The following DAGLA variants were observed in gnomAD, a reference collection of about 807,000 sequenced individuals.
DAGLA encodes the protein diacylglycerol lipase-alpha.
In DAGLA, 22 loss-of-function variants were observed where a neutral mutation model predicts 102.6. The observed-to-expected ratio is 0.21, with a 90% CI of 0.15 to 0.31. DAGLA has a LOEUF of 0.31. Among genes scored for constraint, DAGLA ranks in the 10% least tolerant of loss-of-function variants. DAGLA has a pLI of 1.00. For missense variants in DAGLA, 927 were observed against 1,446.6 expected, an observed-to-expected ratio of 0.64 and a Z score of 5.83; for synonymous variants, 578 against 628.9, an observed-to-expected ratio of 0.92 and a Z score of 1.21.
chr11:61,694,944 C>T (rs2065052558), intron 1 of DAGLA, among the ~76,000 whole-genome samples: 1 of 152,198 alleles, frequency 6.6e-6, no homozygotes, highest in African/African-American at 2.4e-5. Flanking sequence ...AAAACCCAAA[C>T]ATGTGCACGT....
At chr11:61,690,109 C>T (rs2065012250) in intron 1 of DAGLA, among the ~76,000 whole-genome samples, 1 of 152,182 alleles carries the variant, frequency 6.6e-6, no homozygotes, top group Non-Finnish European at 1.5e-5. Context: ...GGGCCAGAGT[C>T]AGCCCCAGTG....
intron 1 of DAGLA, among the ~76,000 whole-genome samples, chr11:61,705,708 C>T (rs1277335072): frequency 6.6e-6 from 1 of 152,214 alleles, no homozygotes; most frequent in Non-Finnish European, 1.5e-5. Context: ...CCACCCAATC[C>T]CTGGCACATA....
intron 1 of DAGLA, among the ~76,000 whole-genome samples, chr11:61,685,589 C>T (rs953991740): frequency 6.6e-6 from 1 of 152,106 alleles, no homozygotes; most frequent in African/African-American, 2.4e-5. Context: ...GGTGGTCATA[C>T]CAGAGCCTAT....
chr11:61,715,154 C>T (rs929002868), intron 1 of DAGLA, among the ~76,000 whole-genome samples: 1 of 152,126 alleles, frequency 6.6e-6, no homozygotes, highest in Non-Finnish European at 1.5e-5. Context: ...TCTTAACCAC[C>T]CCTTGCACAC....
At position 61,731,456 on chromosome 11, in the gene DAGLA, C is replaced by A; in HGVS notation, c.974+15C>A. 1 of 1,612,366 alleles carries A rather than the reference C, an allele frequency of 6.2e-7. No homozygotes were observed. The highest frequency in any genetic ancestry group is 1.1e-5 in the South Asian group (1 of 91,012). On this transcript the variant is annotated intron_variant, in intron 9 of 19. Transcript: ENST00000257215. The stretch of plus-strand genomic sequence containing the variant: ...CGGTCCTGCTCGTGAGTACCCCTGT[C>A]CCATCCCCCAGCGATTGCACCTCTC...
intron 1 of DAGLA, among the ~76,000 whole-genome samples, chr11:61,702,153 G>A (rs1000226738): frequency 1.3e-5 from 2 of 151,988 alleles, no homozygotes; most frequent in African/African-American, 4.8e-5. Flanking sequence ...CTCCAGCCTC[G>A]GCCTCCCAAA....
At chr11:61,723,346 G>T (rs1591043076) in intron 4 of DAGLA, 88 bp from the exon 5 acceptor site, 2 of 1,533,958 alleles carry the variant, frequency 1.3e-6, no homozygotes, top group East Asian at 4.6e-5. Context: ...TGGGGTTAGG[G>T]AGGCTCCAAT....
intron 1 of DAGLA, among the ~76,000 whole-genome samples, chr11:61,711,134 C>G (rs985745540): frequency 1.2e-4 from 19 of 152,132 alleles, no homozygotes; most frequent in African/African-American, 4.6e-4. Flanking sequence ...ACCAAGAAGA[C>G]CACCGGGGCA....
intron 17 of DAGLA, 97 bp downstream of exon 17, chr11:61,739,758 G>T: frequency 7.8e-7 from 1 of 1,285,454 alleles, no homozygotes; most frequent in Non-Finnish European, 1.1e-6. Context: ...GCTCGGGGCT[G>T]GGGGTGGAGG....
rs75356877 is a variant in DAGLA, at chr11:61,689,221, G to A, written c.-45+8717G>A. 4.8e-3 allele frequency among the ~76,000 whole-genome samples: 731 copies of A among 152,328 alleles called. 10 individuals are homozygous for A. Among genetic ancestry groups the A allele is most frequent in the African/African-American group, 0.016 (685 of 41,568 alleles). The stretch of plus-strand genomic sequence containing the variant: ...TTGGGGCAGGCTGCAGAATCACTGC[G>A]CAGCCCTAGGCCCAGTGGCTAAGGG... On this transcript the variant is annotated intron_variant, in intron 1 of 19. Transcript: ENST00000257215.
At chr11:61,704,837 A>G (rs956831848) in intron 1 of DAGLA, among the ~76,000 whole-genome samples, 1 of 152,118 alleles carries the variant, frequency 6.6e-6, no homozygotes, top group African/African-American at 2.4e-5. Context: ...AGTCCTATTC[A>G]TGGTCGGGCC....
chr11:61,691,436 A>G (rs891362845), intron 1 of DAGLA, among the ~76,000 whole-genome samples: 1 of 152,240 alleles, frequency 6.6e-6, no homozygotes, highest in African/African-American at 2.4e-5. Context: ...CTGTGAAGAA[A>G]GAATATCCTC....
At chr11:61,712,773 G>A (rs2065205667) in intron 1 of DAGLA, among the ~76,000 whole-genome samples, 2 of 152,216 alleles carry the variant, frequency 1.3e-5, no homozygotes, top group African/African-American at 2.4e-5. Context: ...CTGGGAAGAA[G>A]GGGAAGGTAC....
At chr11:61,728,036 G>A in intron 6 of DAGLA, 117 bp from the exon 7 acceptor site, 2 of 1,231,006 alleles carry the variant, frequency 1.6e-6, no homozygotes, top group African/African-American at 1.5e-5. Context: ...ACCTGTCCAG[G>A]GGACCCCGAG....
At chr11:61,735,478 C>A in intron 10 of DAGLA, 83 bp from the exon 11 acceptor site, 2 of 1,262,642 alleles carry the variant, frequency 1.6e-6, no homozygotes, top group Non-Finnish European at 1.1e-6. Flanking sequence ...AGTTCCTGGC[C>A]AGGAAGGAGA....
At chr11:61,702,245 T>G (rs1402397874) in intron 1 of DAGLA, among the ~76,000 whole-genome samples, 1 of 152,176 alleles carries the variant, frequency 6.6e-6, no homozygotes, top group Non-Finnish European at 1.5e-5. Context: ...TGTCTTTAAC[T>G]CTGATAATTA....
In DAGLA at chr11:61,731,365, C is replaced by T. The variant is rs2065372600; in HGVS notation, c.898C>T (p.Leu300=). ...KEVCYYMLFA[L]AAYGWPMYLM... is the part of the protein sequence containing the mutation. Reference sequence around the variant, plus strand: ...GGTCTGCTACTACATGCTCTTTGCCCTGGCTGCCTACGGGTGGCCCATGTA... The same window carrying T: ...GGTCTGCTACTACATGCTCTTTGCCTTGGCTGCCTACGGGTGGCCCATGTA... Residue 300 remains leucine (L), a synonymous_variant, in exon 9 of 20, where the codon CTG becomes TTG. Coordinates refer to ENST00000257215, the MANE Select transcript of DAGLA (RefSeq NM_006133.3). The T allele has an allele frequency of 6.2e-7, 1 of 1,614,134 alleles. No homozygotes were observed. The highest frequency in any genetic ancestry group is 8.5e-7 in the Non-Finnish European group (1 of 1,180,028).
intron 17 of DAGLA, 110 bp downstream of exon 17, chr11:61,739,771 G>A: frequency 8.7e-7 from 1 of 1,154,714 alleles, no homozygotes; most frequent in Non-Finnish European, 1.2e-6. Flanking sequence ...GGTGGAGGCT[G>A]GGAGAAGATG....
rs1565268564 is a variant in DAGLA at position 61,746,410 on chromosome 11, C to T, written c.*1921C>T. On this transcript the variant is annotated 3_prime_UTR_variant, in exon 20 of 20. Transcript: ENST00000257215. ...TCACAGGGAGAGACTTGATGTCTGGCCTTTTAATTCCTCCTCTGCCAGGGT... is the reference window on the plus strand; with the variant it reads ...TCACAGGGAGAGACTTGATGTCTGGTCTTTTAATTCCTCCTCTGCCAGGGT... 2 of 152,528 alleles carry T rather than the reference C, an allele frequency of 1.3e-5. No homozygotes were observed. 9.4% of individuals were successfully genotyped at this position (152,528 alleles called of 1,614,324 possible). A position where few individuals can be genotyped will look rare whatever the true frequency, so the allele number is the denominator to read the frequency against.
Sources: gnomAD v4.1 joint callset for allele counts (sites outside exome capture counted in the v4.1 genomes callset) on GRCh38, gnomAD v4.1.1 for gene constraint, MANE v1.5 for transcripts, NCBI Gene and HGNC (gene_info 2026-07-23, HGNC 2026-07-21) for gene names.